MXRA7: variants seen among roughly 807,000 people sequenced by gnomAD.
MXRA7 encodes the protein matrix remodeling associated 7.
Under a neutral mutation model 17.4 loss-of-function variants are expected in MXRA7, and 18 were observed. The observed-to-expected ratio is 1.03, with a 90% CI of 0.71 to 1.53. The LOEUF (loss-of-function observed/expected upper bound fraction) is 1.53, where lower values mean the gene tolerates loss of function less well. Ranked by LOEUF, MXRA7 falls within the 40% of genes most tolerant of loss-of-function variation. The pLI, the probability that MXRA7 is intolerant of heterozygous loss-of-function variation, is 0.00. For missense variants in MXRA7, 141 were observed against 209.3 expected (o/e 0.67, Z 2.01); for synonymous variants, 70 against 101.7 (o/e 0.69, Z 1.87).
Position 76,695,898 on chromosome 17 carries a change from GC to G in MXRA7, c.343-7723del, listed in dbSNP as rs549013186. 3.1e-3 allele frequency among the ~76,000 whole-genome samples: 468 copies of G among 152,132 alleles called. 2 individuals are homozygous for G. Among genetic ancestry groups the G allele is most frequent in the African/African-American group, 0.011 (454 of 41,500 alleles). On this transcript the variant is annotated intron_variant, in intron 1 of 3. Coordinates refer to ENST00000449428, the MANE Select transcript of MXRA7 (RefSeq NM_198530.4). ...ATTTGAGGCCAGGAGTTCAAGACCA[GC>G]TTGGCCAACACGGTGAGACCCCCTC...
chr17:76,685,110 C>T lies in MXRA7; in HGVS notation c.462G>A (p.Lys154=). Residue 154 remains lysine, a synonymous_variant, in exon 3 of 4, where the codon AAG becomes AAA. Coordinates refer to ENST00000449428, the MANE Select transcript of MXRA7 (RefSeq NM_198530.4). The stretch of plus-strand genomic sequence containing the variant: ...CCAGCTCCTCTTTGGTCATCATCTT[C>T]TTGTACTGGTTTCCCCTCAGCTTCC... ...SPGKLRGNQY[K]KMMTKEELEE... The T allele has an allele frequency of 6.2e-7, 1 of 1,614,108 alleles. No homozygotes were observed. Among genetic ancestry groups the T allele is most frequent in the South Asian group, 1.1e-5 (1 of 91,086 alleles).
At chr17:76,703,358 G>A (rs113137369) in intron 1 of MXRA7, among the ~76,000 whole-genome samples, 19,129 of 151,968 alleles carry the variant, frequency 0.13, 1,595 homozygotes, top group African/African-American at 0.23. Flanking sequence ...ACAGTGGCTC[G>A]CACCTGTAAT....
chr17:76,682,883 A>G (rs11654830), intron 3 of MXRA7, among the ~76,000 whole-genome samples: 6,080 of 152,278 alleles, frequency 0.04, 176 homozygotes, highest in Non-Finnish European at 0.052. Context: ...CCTCGGGCAC[A>G]GTCTCGGTCC....
intron 1 of MXRA7, among the ~76,000 whole-genome samples, chr17:76,693,630 G>T (rs2076501755): frequency 6.6e-6 from 1 of 152,182 alleles, no homozygotes; most frequent in Non-Finnish European, 1.5e-5. Context: ...TGGACTGCTT[G>T]AGCCCAGGAG....
intron 2 of MXRA7, among the ~76,000 whole-genome samples, chr17:76,686,553 C>T (rs2076400371): frequency 6.6e-6 from 1 of 152,164 alleles, no homozygotes. Context: ...ATTTATGGGG[C>T]AAGTCTGATT....
At chr17:76,685,436 C>T (rs1598341260) in intron 2 of MXRA7, among the ~76,000 whole-genome samples, 1 of 152,236 alleles carries the variant, frequency 6.6e-6, no homozygotes, top group East Asian at 1.9e-4. Flanking sequence ...AGTGCTCTGC[C>T]TTGCCCTGGC....
chr17:76,702,872 C>CACATACGT (rs1180666195), intron 1 of MXRA7, among the ~76,000 whole-genome samples: 46 of 147,276 alleles, frequency 3.1e-4, no homozygotes, highest in African/African-American at 1.1e-3. Flanking sequence ...TATATATATA[C>CACATACGT]GTATATATAT....
intron 1 of MXRA7, chr17:76,688,973 A>C: frequency 5.0e-6 from 1 of 198,658 alleles, no homozygotes; most frequent in Non-Finnish European, 1.0e-5. Flanking sequence ...CTAACAAAAC[A>C]CTGAGCTGTG....
intron 1 of MXRA7, among the ~76,000 whole-genome samples, chr17:76,693,266 G>A (rs963866443): frequency 6.7e-6 from 1 of 150,270 alleles, no homozygotes; most frequent in Non-Finnish European, 1.5e-5. Flanking sequence ...TCATTAGTTC[G>A]AGACCAGTCT....
At chr17:76,698,165 C>T (rs928708397) in intron 1 of MXRA7, among the ~76,000 whole-genome samples, 1 of 152,220 alleles carries the variant, frequency 6.6e-6, no homozygotes, top group African/African-American at 2.4e-5. Context: ...CCGTTCCTAA[C>T]TCCCAAGGGG....
chr17:76,707,503 C>T (rs985820466), intron 1 of MXRA7, among the ~76,000 whole-genome samples: 2 of 151,994 alleles, frequency 1.3e-5, no homozygotes, highest in Non-Finnish European at 2.9e-5. Context: ...GGGGTTTCGC[C>T]ATGTTGGCCA....
chr17:76,692,635 T>TAAAA, intron 1 of MXRA7, among the ~76,000 whole-genome samples: 1 of 142,736 alleles, frequency 7.0e-6, no homozygotes, highest in African/African-American at 2.6e-5. Flanking sequence ...CTAGTATTGT[T>TAAAA]AAAAAAAAAA....
chr17:76,684,593 C>G (rs1247992601), intron 3 of MXRA7: 1 of 364,576 alleles, frequency 2.7e-6, no homozygotes, highest in Non-Finnish European at 5.4e-6. Context: ...CATAGCTGCA[C>G]TGCCCGGAGC....
chr17:76,709,672 G>T (rs117629847), intron 1 of MXRA7: 1 of 153,114 alleles, frequency 6.5e-6, no homozygotes, highest in African/African-American at 2.4e-5. Context: ...GAGCTCAGGG[G>T]TAAGAACAAG....
intron 1 of MXRA7, chr17:76,688,847 G>C (rs573575545): frequency 4.8e-6 from 2 of 413,976 alleles, no homozygotes; most frequent in South Asian, 2.7e-4. Flanking sequence ...AGGGGACATG[G>C]GAGCCCCAGG....
intron 1 of MXRA7, 136 bp from the exon 2 acceptor site, chr17:76,688,312 G>A (rs2076430030): frequency 1.4e-6 from 2 of 1,478,066 alleles, no homozygotes; most frequent in Non-Finnish European, 8.9e-7. Context: ...CGCCTGCCCT[G>A]TGGTCATGGT....
At chr17:76,687,554 T>C (rs919853806) in intron 2 of MXRA7, among the ~76,000 whole-genome samples, 1 of 152,306 alleles carries the variant, frequency 6.6e-6, no homozygotes, top group East Asian at 1.9e-4. Flanking sequence ...AGCCACTCCA[T>C]GTTTGGTTCC....
At chr17:76,700,656 G>A (rs1046498753) in intron 1 of MXRA7, among the ~76,000 whole-genome samples, 4 of 152,206 alleles carry the variant, frequency 2.6e-5, no homozygotes, top group Admixed American at 6.5e-5. Flanking sequence ...TACTGCGTGC[G>A]GGCCTGTTGC....
intron 1 of MXRA7, among the ~76,000 whole-genome samples, chr17:76,698,095 G>A (rs2076552448): frequency 1.3e-5 from 2 of 152,190 alleles, no homozygotes; most frequent in South Asian, 2.1e-4. Context: ...TGCTGTGACT[G>A]CACCAATCCC....
Sources: allele counts gnomAD v4.1 joint callset (sites outside exome capture counted in the v4.1 genomes callset), GRCh38; gene constraint gnomAD v4.1.1; transcripts MANE v1.5; gene names NCBI Gene and HGNC (gene_info 2026-07-23, HGNC 2026-07-21).